The following LETM2 variants were observed in gnomAD, a reference collection of about 807,000 sequenced individuals.
LETM2 encodes LETM1 domain-containing protein LETM2, mitochondrial.
Under a neutral mutation model 59.6 loss-of-function variants are expected in LETM2, and 58 were observed. The ratio of observed to expected loss-of-function variants is 0.97; its 90% confidence interval spans 0.79 to 1.21. LETM2 has a LOEUF of 1.21. Ranked by LOEUF, LETM2 falls within the 50% of genes most tolerant of loss-of-function variation. LETM2 has a pLI of 0.00. For synonymous variants in LETM2, 199 were observed against 214.1 expected, an observed-to-expected ratio of 0.93 and a Z score of 0.62; for missense variants, 572 against 575.7, an observed-to-expected ratio of 0.99 and a Z score of 0.07.
chr8:38,398,976 C>T (rs1812930137), intron 4 of LETM2, among the ~76,000 whole-genome samples: 1 of 151,870 alleles, frequency 6.6e-6, no homozygotes, highest in Admixed American at 6.6e-5. Flanking sequence ...CTGCCTCGGC[C>T]TCCCAAAGTG....
intron 4 of LETM2, among the ~76,000 whole-genome samples, chr8:38,399,578 G>C (rs981235955): frequency 4.6e-5 from 7 of 152,034 alleles, no homozygotes; most frequent in African/African-American, 1.4e-4. Context: ...AGGAGTTCAA[G>C]ACCAGCCTGG....
chr8:38,392,952 G>A lies in LETM2; in HGVS notation c.458G>A (p.Arg153Lys). 1 of 1,610,638 alleles carries A rather than the reference G, an allele frequency of 6.2e-7. No homozygotes were observed. ...DAKVAARMVW[R>K]LLHGQVLTRR... The stretch of plus-strand genomic sequence containing the variant: ...AAAGTTGCTGCCAGAATGGTTTGGA[G>A]GCTGTTGCATGGACAGGTCCTGACC... Residue 153 changes from arginine (R) to lysine (K), a missense_variant, in exon 3 of 11, where the codon AGG (arginine) becomes AAG (lysine). Arg to Lys is a conservative substitution (Grantham distance 26). Transcript: ENST00000379957.
At chr8:38,390,062 A>T (rs893800811) in intron 2 of LETM2, among the ~76,000 whole-genome samples, 1 of 151,522 alleles carries the variant, frequency 6.6e-6, no homozygotes, top group East Asian at 1.9e-4. Flanking sequence ...CTCTACAAAA[A>T]TTTTTAAAAC....
intron 8 of LETM2, 93 bp downstream of exon 8, chr8:38,404,599 TTC>T (rs761969964): frequency 1.2e-5 from 10 of 812,798 alleles, no homozygotes; most frequent in African/African-American, 1.7e-5. Flanking sequence ...GAGCAGGCAT[TTC>T]TTTTGGCCTT....
Position 38,408,301 on chromosome 8 carries a change from C to A in LETM2, c.*27C>A, listed in dbSNP as rs775704274. 4.4e-6 allele frequency: 7 copies of A among 1,597,076 alleles called. No homozygotes were observed. The highest frequency in any genetic ancestry group is 2.2e-5 in the East Asian group (1 of 44,784). On this transcript the variant is annotated 3_prime_UTR_variant, in exon 11 of 11. Coordinates refer to ENST00000379957, the MANE Select transcript of LETM2 (RefSeq NM_001286819.2). The stretch of plus-strand genomic sequence containing the variant: ...GGACTACTTGAGGATGGAGCTCACT[C>A]TCTTCAGCTTCCGGCCCTCAACAGT...
chr8:38,403,169 C>T (rs1813386383), intron 7 of LETM2, among the ~76,000 whole-genome samples: 1 of 152,202 alleles, frequency 6.6e-6, no homozygotes, highest in Admixed American at 6.5e-5. Context: ...TGTTTGACCT[C>T]TAGCCCCAGA....
chr8:38,403,297 T>C (rs13248631), intron 7 of LETM2, among the ~76,000 whole-genome samples: 73,664 of 152,100 alleles, frequency 0.48, 18,636 homozygotes, highest in South Asian at 0.69. Context: ...CAGAATACTG[T>C]TGAATAACTA....
intron 4 of LETM2, among the ~76,000 whole-genome samples, chr8:38,395,703 A>G (rs1260549931): frequency 6.6e-6 from 1 of 151,978 alleles, no homozygotes; most frequent in Non-Finnish European, 1.5e-5. Context: ...TTTAGTAGAG[A>G]TAGGGTTTCA....
chr8:38,390,024 C>T (rs1383819439), intron 2 of LETM2, among the ~76,000 whole-genome samples: 1 of 133,250 alleles, frequency 7.5e-6, no homozygotes, highest in African/African-American at 2.8e-5. Flanking sequence ...AAAAAAAGAA[C>T]AGCCTGGATA....
In LETM2 at chr8:38,409,411, C is replaced by G. The variant is rs1025190490; in HGVS notation, c.*1137C>G. 4 of 152,204 alleles carry G rather than the reference C, an allele frequency of 2.6e-5. No homozygotes were observed. The South Asian group carries it at 8.3e-4, about 32-fold the overall frequency. The allele number at this position is 152,204 out of a possible 1,614,324, so 9.4% of individuals were successfully genotyped here. A position where few individuals can be genotyped will look rare whatever the true frequency, so the allele number is the denominator to read the frequency against. On this transcript the variant is annotated 3_prime_UTR_variant, in exon 11 of 11. Coordinates refer to ENST00000379957, the MANE Select transcript of LETM2 (RefSeq NM_001286819.2). ...TTGTGCTCCATCAGAGAAGCCCCAC[C>G]ATGTCCCACTAATGAAGCCCAGTTC... is the stretch of plus-strand genomic sequence containing the variant.
At chr8:38,402,945 G>A (rs148582659) in intron 7 of LETM2, among the ~76,000 whole-genome samples, 55 of 152,190 alleles carry the variant, frequency 3.6e-4, no homozygotes, top group African/African-American at 1.3e-3. Context: ...TGTGGGAAAC[G>A]ACCTGCTTCC....
chr8:38,384,748 C>G (rs1314758950), upstream of LETM2, among the ~76,000 whole-genome samples: 1 of 152,112 alleles, frequency 6.6e-6, no homozygotes, highest in Non-Finnish European at 1.5e-5. Context: ...TGACATATGG[C>G]CATGGTAGAA....
Position 38,405,103 on chromosome 8 carries a change from T to C in LETM2, c.1218+597T>C, listed in dbSNP as rs531051308. On this transcript the variant is annotated intron_variant, in intron 8 of 10. Transcript: ENST00000379957. The stretch of plus-strand genomic sequence containing the variant: ...GCAGTTTATTCCTTTTTCTTAACTA[T>C]CTTCATTAGCAGACTGGTGTGTGTG... Among the ~76,000 whole-genome samples the C allele has an allele frequency of 5.9e-5, 9 of 152,354 alleles. No homozygotes were observed. In the East Asian group the frequency reaches 9.6e-4, roughly 16 times the overall value.
chr8:38,390,085 G>A (rs562106417), intron 2 of LETM2, among the ~76,000 whole-genome samples: 2 of 152,044 alleles, frequency 1.3e-5, no homozygotes, highest in South Asian at 2.1e-4. Flanking sequence ...GCTGGGCGTG[G>A]TGGTGCGGGC....
chr8:38,384,980 T>G (rs2150403653), upstream of LETM2, among the ~76,000 whole-genome samples: 1 of 152,330 alleles, frequency 6.6e-6, no homozygotes, highest in South Asian at 2.1e-4. Context: ...TTTATGAAAT[T>G]AGTGTGAAAA....
intron 2 of LETM2, among the ~76,000 whole-genome samples, chr8:38,389,486 G>T (rs1174354383): frequency 6.6e-6 from 1 of 152,082 alleles, no homozygotes; most frequent in African/African-American, 2.4e-5. Flanking sequence ...CCAAACTGCT[G>T]GGATTACAGG....
chr8:38,391,944 G>A (rs1812317690), intron 2 of LETM2, among the ~76,000 whole-genome samples: 1 of 152,052 alleles, frequency 6.6e-6, no homozygotes, highest in South Asian at 2.1e-4. Flanking sequence ...CACCTGCCTT[G>A]GCCTCGCAAA....
chr8:38,391,470 T>A (rs1331652836), intron 2 of LETM2, among the ~76,000 whole-genome samples: 1 of 151,102 alleles, frequency 6.6e-6, no homozygotes, highest in African/African-American at 2.4e-5. Context: ...GCCCAGCTAA[T>A]TTTTGTATTT....
chr8:38,388,747 GTTTT>G (rs1811975593), intron 2 of LETM2, among the ~76,000 whole-genome samples: 1 of 149,924 alleles, frequency 6.7e-6, no homozygotes, highest in African/African-American at 2.5e-5. Flanking sequence ...AGAAGATGTA[GTTTT>G]TTTTGTTTGT....
Sources: gnomAD v4.1 joint callset for allele counts (sites outside exome capture counted in the v4.1 genomes callset) on GRCh38, gnomAD v4.1.1 for gene constraint, MANE v1.5 for transcripts, NCBI Gene and HGNC (gene_info 2026-07-23, HGNC 2026-07-21) for gene names.